VPS41: variants seen among roughly 807,000 people sequenced by gnomAD.
The protein encoded by VPS41 is vacuolar protein sorting-associated protein 41 homolog.
Under a neutral mutation model 130.9 loss-of-function variants are expected in VPS41, and 85 were observed. The ratio of observed to expected loss-of-function variants is 0.65; its 90% CI spans 0.55 to 0.78. The LOEUF is 0.78. VPS41 is among the 30% of genes least tolerant of loss of function. The pLI is 0.00. For synonymous variants in VPS41, 335 were observed against 332.9 expected (o/e 1.01, Z -0.07); for missense variants, 874 against 1,018.7 (o/e 0.86, Z 1.93).
At chr7:38,728,275 C>T (rs1795587477) in intron 27 of VPS41, 1 of 625,012 alleles carries the variant, frequency 1.6e-6, no homozygotes, top group African/African-American at 1.8e-5. Flanking sequence ...GAACCAGAGA[C>T]TCTAGGGAGT....
At chr7:38,790,634 A>G (rs556566993) in intron 9 of VPS41, among the ~76,000 whole-genome samples, 6 of 152,346 alleles carry the variant, frequency 3.9e-5, no homozygotes, top group African/African-American at 1.4e-4. Flanking sequence ...CAGATGATTT[A>G]AAGTATACAG....
rs184927888 is a variant in VPS41 at position 38,845,998 on chromosome 7, T to C, written c.247-15670A>G. Among the ~76,000 whole-genome samples the C allele has an allele frequency of 2.5e-4, 38 of 152,248 alleles. 2 individuals carry two copies. In the East Asian group the frequency reaches 6.6e-3, roughly 26 times the overall value. On this transcript the variant is annotated intron_variant, in intron 4 of 28. Transcript: ENST00000310301. ...TGCTTATACATATATCCAACAAAGA[T>C]ACAAAAGAAAGAGTGATAGAGAAAG...
chr7:38,811,000 C>T (rs1398902062), intron 7 of VPS41, among the ~76,000 whole-genome samples: 2 of 152,026 alleles, frequency 1.3e-5, no homozygotes, highest in Non-Finnish European at 2.9e-5. Context: ...AGATATAAAC[C>T]TCTATAACTC....
In VPS41 at chr7:38,725,940, G is replaced by A; in HGVS notation, c.*306C>T. 1 of 225,518 alleles carries A rather than the reference G, an allele frequency of 4.4e-6. No individual in the cohort carries two copies. Among genetic ancestry groups the A allele is most frequent in the Admixed American group, 5.6e-5 (1 of 17,846 alleles). 14.0% of individuals were successfully genotyped at this position (225,518 alleles called of 1,614,324 possible). ...TTTTATGGTTAAATGGTTTTACTAA[G>A]GTCTAAAAAATTCATTTCTAACTCC... On this transcript the variant is annotated 3_prime_UTR_variant, in exon 29 of 29. Coordinates refer to ENST00000310301, the MANE Select transcript of VPS41 (RefSeq NM_014396.4).
intron 10 of VPS41, among the ~76,000 whole-genome samples, chr7:38,781,044 T>C (rs1368739784): frequency 6.6e-6 from 1 of 152,186 alleles, no homozygotes; most frequent in African/African-American, 2.4e-5. Context: ...TCATGCTTAC[T>C]GTATAGCCTG....
At chr7:38,754,632 CA>C (rs1431450790) in intron 21 of VPS41, 69 bp downstream of exon 21, 47 of 1,279,744 alleles carry the variant, frequency 3.7e-5, no homozygotes, top group Non-Finnish European at 5.2e-5. Flanking sequence ...ATCCTCCTCG[CA>C]CCAATACTGA....
chr7:38,873,017 A>G (rs1370965126), intron 2 of VPS41, among the ~76,000 whole-genome samples: 1 of 152,212 alleles, frequency 6.6e-6, no homozygotes, highest in Non-Finnish European at 1.5e-5. Context: ...TTTGCATAAA[A>G]GCACTCATCC....
intron 22 of VPS41, among the ~76,000 whole-genome samples, chr7:38,751,500 C>A (rs1476347785): frequency 6.6e-6 from 1 of 152,124 alleles, no homozygotes; most frequent in Non-Finnish European, 1.5e-5. Context: ...CCTTATTTAG[C>A]CCGAACTAGG....
At chr7:38,869,103 T>C (rs1786290451) in intron 3 of VPS41, 43 bp downstream of exon 3, 2 of 1,450,602 alleles carry the variant, frequency 1.4e-6, no homozygotes, top group Non-Finnish European at 1.9e-6. Context: ...AAATTTACAA[T>C]GGAAACAATT....
At chr7:38,868,662 G>C (rs2116336036) in intron 3 of VPS41, among the ~76,000 whole-genome samples, 1 of 152,258 alleles carries the variant, frequency 6.6e-6, no homozygotes, top group African/African-American at 2.4e-5. Context: ...CCCAGATGTG[G>C]AATAAATTCA....
intron 27 of VPS41, chr7:38,728,241 C>T: frequency 1.8e-6 from 1 of 563,166 alleles, no homozygotes; most frequent in Non-Finnish European, 3.2e-6. Context: ...AATATACATT[C>T]TCAGTTCCTG....
At chr7:38,730,722 G>C (rs1014494524) in intron 25 of VPS41, among the ~76,000 whole-genome samples, 1 of 152,132 alleles carries the variant, frequency 6.6e-6, no homozygotes, top group Non-Finnish European at 1.5e-5. Context: ...ATATAAAGCT[G>C]CTTAGCCTCC....
chr7:38,897,419 G>A (rs1325914009), intron 2 of VPS41, among the ~76,000 whole-genome samples: 2 of 151,882 alleles, frequency 1.3e-5, no homozygotes, highest in Non-Finnish European at 2.9e-5. Flanking sequence ...GCAGAGGCGG[G>A]TGGATCACAA....
At chr7:38,765,875 A>G (rs1232053036) in intron 15 of VPS41, 4 of 425,954 alleles carry the variant, frequency 9.4e-6, no homozygotes, top group Non-Finnish European at 1.2e-5. Flanking sequence ...TATAAAAGTT[A>G]ATATAAAATG....
intron 4 of VPS41, among the ~76,000 whole-genome samples, chr7:38,833,988 C>T (rs1444129774): frequency 1.3e-5 from 2 of 151,438 alleles, no homozygotes; most frequent in African/African-American, 4.9e-5. Flanking sequence ...TCCAAAAATA[C>T]AAAGCTGATT....
intron 12 of VPS41, 98 bp downstream of exon 12, chr7:38,774,017 C>G: frequency 8.1e-7 from 1 of 1,237,958 alleles, no homozygotes. Context: ...TCTTAAGATT[C>G]TTTCAGCACC....
chr7:38,784,506 A>G (rs142526524), intron 10 of VPS41, among the ~76,000 whole-genome samples: 4,377 of 152,244 alleles, frequency 0.029, 105 homozygotes, highest in South Asian at 0.077. Flanking sequence ...ATGGTGGTGC[A>G]CGCCTGTAGT....
intron 3 of VPS41, among the ~76,000 whole-genome samples, chr7:38,865,120 G>A (rs1486042210): frequency 6.6e-6 from 1 of 152,116 alleles, no homozygotes; most frequent in Non-Finnish European, 1.5e-5. Context: ...CATTACAGCA[G>A]GGAGTGCCTT....
At chr7:38,806,173 T>A (rs1410507182) in intron 7 of VPS41, among the ~76,000 whole-genome samples, 1 of 152,222 alleles carries the variant, frequency 6.6e-6, no homozygotes, top group African/African-American at 2.4e-5. Context: ...TGATGTAAAC[T>A]GGTGTAAGTT....
Sources: gnomAD v4.1 joint callset for allele counts (sites outside exome capture counted in the v4.1 genomes callset) on GRCh38, gnomAD v4.1.1 for gene constraint, MANE v1.5 for transcripts, NCBI Gene and HGNC (gene_info 2026-07-23, HGNC 2026-07-21) for gene names.